The following BCAR3 variants were observed in gnomAD, a reference collection of about 807,000 sequenced individuals.
BCAR3 encodes breast cancer anti-estrogen resistance protein 3.
A neutral mutation model predicts 80.1 loss-of-function variants in BCAR3; 37 were observed. That is an observed-to-expected ratio of 0.46 (90% CI 0.36 to 0.61). The LOEUF (loss-of-function observed/expected upper bound fraction) is 0.61, where lower values mean the gene tolerates loss of function less well. BCAR3 is among the 20% of genes least tolerant of loss of function. The pLI, the probability that BCAR3 is intolerant of heterozygous loss-of-function variation, is 0.00. For synonymous variants in BCAR3, 389 were observed against 418.9 expected (o/e 0.93, Z 0.87); for missense variants, 978 against 1,068.2 (o/e 0.92, Z 1.18).
chr1:93,567,484 T>C lies in BCAR3; in HGVS notation c.2094A>G (p.Thr698=). 1 of 1,611,644 alleles carries C rather than the reference T, an allele frequency of 6.2e-7. No individual in the cohort carries two copies. The highest frequency in any genetic ancestry group is 8.5e-7 in the Non-Finnish European group (1 of 1,178,676). The change falls in exon 11 of 12, where the codon ACA becomes ACG. Residue 698 remains threonine (T), a synonymous_variant. Coordinates refer to ENST00000260502, the MANE Select transcript of BCAR3 (RefSeq NM_003567.4). ...SKLLHEGRES[T]CVPPNNVSVP... ...CTGATACATTGTTTGGGGGAACACA[T>C]GTGGACTCTGAAGAATAAGGAGTAG...
At chr1:93,615,672 GT>G (rs1675096576) in intron 3 of BCAR3, among the ~76,000 whole-genome samples, 1 of 152,198 alleles carries the variant, frequency 6.6e-6, no homozygotes, top group Non-Finnish European at 1.5e-5. Context: ...TACCGCACCT[GT>G]GAGGAAGCGT....
At chr1:93,728,410 T>C (rs866565558) in intron 2 of BCAR3, among the ~76,000 whole-genome samples, 2 of 152,216 alleles carry the variant, frequency 1.3e-5, no homozygotes, top group Non-Finnish European at 2.9e-5. Context: ...AGTTTTGCTG[T>C]CTATAGGCGA....
chr1:93,611,633 C>T (rs552481637), intron 3 of BCAR3, among the ~76,000 whole-genome samples: 1 of 152,306 alleles, frequency 6.6e-6, no homozygotes, highest in South Asian at 2.1e-4. Context: ...TTCGGCCTCC[C>T]ATTTAATTCC....
chr1:93,726,147 C>T (rs952584252), intron 2 of BCAR3, among the ~76,000 whole-genome samples: 16 of 152,132 alleles, frequency 1.1e-4, no homozygotes, highest in African/African-American at 3.4e-4. Context: ...TCAATGCAGC[C>T]TTAACCTCCT....
intron 2 of BCAR3, among the ~76,000 whole-genome samples, chr1:93,656,264 T>G (rs1647375968): frequency 6.6e-6 from 1 of 152,132 alleles, no homozygotes; most frequent in Admixed American, 6.5e-5. Context: ...TTCTCTCAAT[T>G]TTCTCCTTCT....
chr1:93,598,605 T>C (rs1005035840), intron 3 of BCAR3, among the ~76,000 whole-genome samples: 3 of 152,186 alleles, frequency 2.0e-5, no homozygotes, highest in Admixed American at 1.3e-4. Flanking sequence ...CCTTGGAAGA[T>C]GACACACAAA....
At chr1:93,685,181 G>A (rs1648928419), upstream of BCAR3, among the ~76,000 whole-genome samples, 1 of 152,154 alleles carries the variant, frequency 6.6e-6, no homozygotes, top group Non-Finnish European at 1.5e-5. Context: ...TGACTAGGTA[G>A]TATTCACAGA....
chr1:93,841,480 C>A (rs1273639570), intron 2 of BCAR3, among the ~76,000 whole-genome samples: 1 of 152,228 alleles, frequency 6.6e-6, no homozygotes, highest in Non-Finnish European at 1.5e-5. Flanking sequence ...AGACAGGTAA[C>A]TGCCACTTAC....
intron 2 of BCAR3, among the ~76,000 whole-genome samples, chr1:93,807,214 C>T (rs1018269471): frequency 2.0e-5 from 3 of 151,860 alleles, no homozygotes; most frequent in African/African-American, 7.3e-5. Context: ...ACTGAAGGTT[C>T]ACTGAAAATA....
intron 7 of BCAR3, among the ~76,000 whole-genome samples, chr1:93,580,007 G>T (rs568389370): frequency 3.9e-4 from 60 of 152,348 alleles, no homozygotes; most frequent in Non-Finnish European, 7.5e-4. Flanking sequence ...AAGTACAGCA[G>T]GCCCTTGTTC....
rs1277112741 is a variant in BCAR3 at position 93,642,289 on chromosome 1, A to G, written c.357+15T>C. 3.1e-6 allele frequency: 5 copies of G among 1,612,744 alleles called. No individual in the cohort carries two copies. The highest frequency in any genetic ancestry group is 1.7e-5 in the Admixed American group (1 of 60,010). ...ACCCAGGGTCACGGCTACATGTTTA[A>G]TTCTCATTTCCTACCTTCACATATT... On this transcript the variant is annotated intron_variant, in intron 3 of 11. Transcript: ENST00000260502.
At chr1:93,658,086 G>T (rs748126651) in intron 2 of BCAR3, among the ~76,000 whole-genome samples, 1 of 151,882 alleles carries the variant, frequency 6.6e-6, no homozygotes, top group Non-Finnish European at 1.5e-5. Context: ...GATTACAGGT[G>T]CCCACCACCA....
At chr1:93,621,798 C>A (rs1435125619) in intron 3 of BCAR3, among the ~76,000 whole-genome samples, 1 of 152,184 alleles carries the variant, frequency 6.6e-6, no homozygotes, top group Admixed American at 6.5e-5. Context: ...AAGAAGCCTG[C>A]AGCCGTCACA....
At position 93,592,279 on chromosome 1, in the gene BCAR3, G is replaced by A. The variant is rs374784683; in HGVS notation, c.472C>T (p.Arg158Cys). 3.5e-5 allele frequency: 56 copies of A among 1,613,280 alleles called. No homozygotes were observed. Among genetic ancestry groups the A allele is most frequent in the East Asian group, 2.5e-4 (11 of 44,840 alleles). ...AGACCAGGTACCTGTCGGGGGATGC[G>A]GCCGTGGTACCAGGCATGGCTGCGC... ...DLRSHAWYHGRIPRQVSENLV... is the reference protein window; with the variant it reads ...DLRSHAWYHGCIPRQVSENLV... Residue 158 changes from arginine (R) to cysteine (C), a missense_variant, in exon 4 of 12, where the codon CGC becomes TGC. Arg to Cys is a radical substitution (Grantham distance 180, BLOSUM62 -3). Transcript: ENST00000260502. The surrounding 1 kb of genome is among the most constrained non-coding windows in gnomAD (Gnocchi z 4.8).
At chr1:93,628,522 C>T (rs966524156) in intron 3 of BCAR3, among the ~76,000 whole-genome samples, 3 of 152,312 alleles carry the variant, frequency 2.0e-5, no homozygotes, top group African/African-American at 7.2e-5. Flanking sequence ...CTGGCCTCCT[C>T]GTTCCTCCAT....
intron 2 of BCAR3, among the ~76,000 whole-genome samples, chr1:93,822,710 A>G (rs1654271205): frequency 6.6e-6 from 1 of 152,132 alleles, no homozygotes; most frequent in Admixed American, 6.5e-5. Flanking sequence ...AGGAGCAGGC[A>G]GGGACCTGAA....
chr1:93,675,039 G>C (rs904333478), intron 1 of BCAR3, 98 bp from the exon 2 acceptor site: 15 of 1,009,424 alleles, frequency 1.5e-5, no homozygotes, highest in Non-Finnish European at 2.1e-5. Context: ...CACATAAAAT[G>C]AAATATTCAC....
intron 2 of BCAR3, among the ~76,000 whole-genome samples, chr1:93,670,261 A>G (rs1290962311): frequency 1.3e-5 from 2 of 152,138 alleles, no homozygotes; most frequent in Non-Finnish European, 2.9e-5. Flanking sequence ...CAGGTTTAAG[A>G]GCTCCCTGGC....
At position 93,586,601 on chromosome 1, in the gene BCAR3, TTAGTTTTCTGA is replaced by T. The variant is rs1673952508; in HGVS notation, c.929+2365_929+2375del. On this transcript the variant is annotated intron_variant, in intron 5 of 11. Transcript: ENST00000260502. The surrounding 1 kb of genome is among the most constrained non-coding windows in gnomAD (Gnocchi z 4.2). Reference sequence around the variant, plus strand: ...GCTGGATCATATAGTAGCTCAATTTTTAGTTTTCTGAGGAACCTCGAAACTGTTCTCCATAG... The same window carrying T: ...GCTGGATCATATAGTAGCTCAATTTTGGAACCTCGAAACTGTTCTCCATAG... Among the ~76,000 whole-genome samples the T allele has an allele frequency of 6.6e-6, 1 of 152,190 alleles. No homozygotes were observed. Among genetic ancestry groups the T allele is most frequent in the Admixed American group, 6.5e-5 (1 of 15,286 alleles).
Sources: gnomAD v4.1 joint callset for allele counts (sites outside exome capture counted in the v4.1 genomes callset) on GRCh38, gnomAD v4.1.1 for gene constraint, Gnocchi (gnomAD v3.1) non-coding constraint, MANE v1.5 for transcripts, NCBI Gene and HGNC (gene_info 2026-07-23, HGNC 2026-07-21) for gene names.